BNC2: variants seen among roughly 807,000 people sequenced by gnomAD.
BNC2 encodes zinc finger protein basonuclin-2.
Under a neutral mutation model 76.3 loss-of-function variants are expected in BNC2, and 20 were observed. The ratio of observed to expected loss-of-function variants is 0.26; its 90% CI spans 0.18 to 0.38. The LOEUF is 0.38. BNC2 is among the 10% of genes least tolerant of loss of function. The probability of loss-of-function intolerance (pLI) is 1.00; values close to 1 mark genes in which losing one functional copy is unlikely to be tolerated. For missense variants in BNC2, 1,382 were observed against 1,399.8 expected, an observed-to-expected ratio of 0.99 and a Z score of 0.20; for synonymous variants, 582 against 514.8, an observed-to-expected ratio of 1.13 and a Z score of -1.77.
intron 3 of BNC2, among the ~76,000 whole-genome samples, chr9:16,689,029 G>C (rs886321351): frequency 4.6e-5 from 7 of 152,172 alleles, no homozygotes; most frequent in Admixed American, 4.6e-4. Flanking sequence ...GAGGGCCAGT[G>C]GGCATTCACT....
chr9:16,676,822 G>GT (rs573694822), intron 3 of BNC2, among the ~76,000 whole-genome samples: 3 of 152,136 alleles, frequency 2.0e-5, no homozygotes, highest in Admixed American at 6.5e-5. Context: ...TTCATGAACT[G>GT]TTTTTTTCCC....
intron 4 of BNC2, among the ~76,000 whole-genome samples, chr9:16,565,634 C>G (rs1221372486): frequency 2.0e-5 from 3 of 151,858 alleles, no homozygotes; most frequent in Non-Finnish European, 2.9e-5. Flanking sequence ...ACGGTGAGAC[C>G]CTGTCTCTAC....
intron 3 of BNC2, among the ~76,000 whole-genome samples, chr9:16,660,229 C>T (rs1272455732): frequency 1.3e-5 from 2 of 152,100 alleles, no homozygotes; most frequent in African/African-American, 4.8e-5. Context: ...CCGAGTCGGG[C>T]GGATCACCTG....
intron 5 of BNC2, among the ~76,000 whole-genome samples, chr9:16,530,748 G>C (rs1490860759): frequency 6.6e-6 from 1 of 152,246 alleles, no homozygotes; most frequent in Admixed American, 6.5e-5. Context: ...TCTGGTGTCT[G>C]AGAATCTGAC....
At chr9:16,792,548 C>A (rs1817541903) in intron 1 of BNC2, among the ~76,000 whole-genome samples, 1 of 152,298 alleles carries the variant, frequency 6.6e-6, no homozygotes, top group East Asian at 1.9e-4. Flanking sequence ...ATGCAGAGAT[C>A]TGAGAAGCTA....
intron 1 of BNC2, among the ~76,000 whole-genome samples, chr9:16,831,701 G>A (rs944618848): frequency 6.6e-6 from 1 of 152,138 alleles, no homozygotes; most frequent in African/African-American, 2.4e-5. Context: ...TTTGGTGGTT[G>A]AACTCGACAC....
chr9:16,693,266 C>T (rs918293384), intron 3 of BNC2, among the ~76,000 whole-genome samples: 1 of 152,006 alleles, frequency 6.6e-6, no homozygotes, highest in East Asian at 1.9e-4. Flanking sequence ...CTTATGCTAG[C>T]AGCCTGGCCT....
intron 3 of BNC2, among the ~76,000 whole-genome samples, chr9:16,658,040 G>A (rs1365791667): frequency 6.6e-6 from 1 of 152,162 alleles, no homozygotes; most frequent in East Asian, 1.9e-4. Flanking sequence ...GGAATTTCGG[G>A]ACAAGAGAAG....
chr9:16,749,325 G>A (rs772359174), intron 1 of BNC2, among the ~76,000 whole-genome samples: 33 of 152,170 alleles, frequency 2.2e-4, no homozygotes, highest in African/African-American at 7.2e-4. Flanking sequence ...AGGAACATAC[G>A]TTATTTGGTT....
At chr9:16,546,304 T>G (rs928596554) in intron 5 of BNC2, among the ~76,000 whole-genome samples, 1 of 152,230 alleles carries the variant, frequency 6.6e-6, no homozygotes, top group African/African-American at 2.4e-5. Context: ...ATTAAGAAAC[T>G]ATGACTAAGA....
At chr9:16,434,327 C>T (rs975878554) in intron 6 of BNC2, among the ~76,000 whole-genome samples, 3 of 151,562 alleles carry the variant, frequency 2.0e-5, no homozygotes, top group Admixed American at 2.0e-4. Flanking sequence ...TTCAGTGGTA[C>T]TTTTAATGTT....
At chr9:16,675,039 T>C (rs1298612948) in intron 3 of BNC2, among the ~76,000 whole-genome samples, 2 of 152,276 alleles carry the variant, frequency 1.3e-5, no homozygotes, top group Non-Finnish European at 2.9e-5. Flanking sequence ...AAATATTCCA[T>C]TTCTTAGCAT....
At chr9:16,827,963 C>T (rs1818491994) in intron 1 of BNC2, among the ~76,000 whole-genome samples, 1 of 152,112 alleles carries the variant, frequency 6.6e-6, no homozygotes, top group Non-Finnish European at 1.5e-5. Flanking sequence ...GATGGCAGTG[C>T]TTTATAGAAT....
chr9:16,566,543 C>T (rs1010517172), intron 4 of BNC2, among the ~76,000 whole-genome samples: 5 of 152,072 alleles, frequency 3.3e-5, no homozygotes, highest in African/African-American at 1.2e-4. Context: ...TCAAGTATTA[C>T]TTGGGAGATT....
chr9:16,749,762 G>T (rs562958889), intron 1 of BNC2, among the ~76,000 whole-genome samples: 28 of 151,850 alleles, frequency 1.8e-4, no homozygotes, highest in African/African-American at 6.5e-4. Flanking sequence ...ATAGATGAAA[G>T]ATATTATTTA....
intron 1 of BNC2, among the ~76,000 whole-genome samples, chr9:16,738,807 AC>A (rs1390603193): frequency 1.4e-5 from 2 of 145,898 alleles, no homozygotes; most frequent in African/African-American, 5.1e-5. Flanking sequence ...AATACTAATC[AC>A]CCCCACCCCC....
At position 16,487,194 on chromosome 9, in the gene BNC2, T is replaced by C. The variant is rs570627907; in HGVS notation, c.670-49670A>G. Among the ~76,000 whole-genome samples, 9 of 152,242 alleles carry C rather than the reference T, an allele frequency of 5.9e-5. No individual in the cohort carries two copies. The East Asian group carries it at 1.7e-3, about 29-fold the overall frequency. ...TGAAGAACAACTAGAAGCACAGTCT[T>C]GAGGGGGTCAAACGTCCTCTCCTAG... On this transcript the variant is annotated intron_variant, in intron 5 of 6. Coordinates refer to ENST00000380672, the MANE Select transcript of BNC2 (RefSeq NM_017637.6).
intron 3 of BNC2, among the ~76,000 whole-genome samples, chr9:16,717,266 C>T (rs529138644): frequency 1.5e-4 from 23 of 152,126 alleles, no homozygotes; most frequent in Non-Finnish European, 2.9e-4. Context: ...AACCAGTGTT[C>T]ACATTACTTT....
intron 3 of BNC2, among the ~76,000 whole-genome samples, chr9:16,721,240 G>A (rs2225327): frequency 0.88 from 133,597 of 152,058 alleles, 58,987 homozygotes; most frequent in Non-Finnish European, 0.92. Context: ...TTTCTTATAG[G>A]AAAACATTCC....
Sources: gnomAD v4.1 joint callset for allele counts (sites outside exome capture counted in the v4.1 genomes callset) on GRCh38, gnomAD v4.1.1 for gene constraint, MANE v1.5 for transcripts, NCBI Gene and HGNC (gene_info 2026-07-23, HGNC 2026-07-21) for gene names.